Variants in DNAH9 observed in about 807,000 individuals in gnomAD.
DNAH9 encodes the protein DNAH9 variant protein.
Under a neutral mutation model 471.6 loss-of-function variants are expected in DNAH9, and 345 were observed. The observed-to-expected ratio is 0.73, with a 90% CI of 0.67 to 0.80. The LOEUF (loss-of-function observed/expected upper bound fraction) is 0.80, where lower values mean the gene tolerates loss of function less well. Among genes scored for constraint, DNAH9 ranks in the 30% least tolerant of loss-of-function variants. DNAH9 has a pLI of 0.00. For missense variants in DNAH9, 5,407 were observed against 5,609.2 expected (o/e 0.96, Z 1.15); for synonymous variants, 2,093 against 2,123.6 (o/e 0.99, Z 0.40).
At chr17:11,730,442 C>T (rs927608151) in intron 28 of DNAH9, among the ~76,000 whole-genome samples, 4 of 152,140 alleles carry the variant, frequency 2.6e-5, no homozygotes, top group South Asian at 2.1e-4. Flanking sequence ...AAAGAGAGAC[C>T]GGACATCCAG....
In DNAH9 at chr17:11,927,617, C is replaced by A. The variant is rs529901049; in HGVS notation, c.11878-2249C>A. ...TATGGATCTAACATCTTTTAACATC[C>A]CATGGCACACTTTTGGGAAATGCTG... On this transcript the variant is annotated intron_variant, in intron 62 of 68. Coordinates refer to ENST00000262442, the MANE Select transcript of DNAH9 (RefSeq NM_001372.4). Among the ~76,000 whole-genome samples the A allele has an allele frequency of 2.0e-5, 3 of 152,214 alleles. No individual in the cohort carries two copies. The South Asian group carries it at 6.2e-4, about 32-fold the overall frequency.
intron 27 of DNAH9, among the ~76,000 whole-genome samples, chr17:11,720,484 G>A (rs2075037736): frequency 6.6e-6 from 1 of 152,080 alleles, no homozygotes; most frequent in South Asian, 2.1e-4. Flanking sequence ...TATATTGTAT[G>A]TGTTTTTGTA....
chr17:11,711,328 C>T (rs1187689941), intron 26 of DNAH9, among the ~76,000 whole-genome samples: 1 of 152,150 alleles, frequency 6.6e-6, no homozygotes, highest in Non-Finnish European at 1.5e-5. Context: ...AGAAATCCCA[C>T]AGGAATGACA....
At chr17:11,808,242 C>T (rs1969764001) in intron 44 of DNAH9, among the ~76,000 whole-genome samples, 1 of 152,184 alleles carries the variant, frequency 6.6e-6, no homozygotes, top group Non-Finnish European at 1.5e-5. Context: ...CTTGAGTTTC[C>T]TAAGAAATTC....
At chr17:11,889,490 C>CG (rs1567878460) in intron 57 of DNAH9, among the ~76,000 whole-genome samples, 1 of 151,998 alleles carries the variant, frequency 6.6e-6, no homozygotes, top group East Asian at 1.9e-4. Context: ...GGATGCTGCC[C>CG]CCCTAGATTG....
At chr17:11,722,779 T>G (rs1275895945) in intron 27 of DNAH9, among the ~76,000 whole-genome samples, 1 of 152,208 alleles carries the variant, frequency 6.6e-6, no homozygotes, top group African/African-American at 2.4e-5. Flanking sequence ...AACCAGCCAC[T>G]TTCTCTGAAA....
At position 11,600,594 on chromosome 17, in the gene DNAH9, A is replaced by G. The variant is rs77132823; in HGVS notation, c.417+1679A>G. Among the ~76,000 whole-genome samples, 1,289 of 152,354 alleles carry G rather than the reference A, an allele frequency of 8.5e-3. 20 individuals carry two copies. Among genetic ancestry groups the G allele is most frequent in the African/African-American group, 0.029 (1,186 of 41,574 alleles). On this transcript the variant is annotated intron_variant, in intron 1 of 68. Coordinates refer to ENST00000262442, the MANE Select transcript of DNAH9 (RefSeq NM_001372.4). The stretch of plus-strand genomic sequence containing the variant: ...CAACAGGGGACTGGGTGACTGAATT[A>G]TGGGCCATCTATACAGTGAAATACT...
intron 41 of DNAH9, among the ~76,000 whole-genome samples, chr17:11,787,032 C>T (rs979242225): frequency 1.3e-5 from 2 of 152,310 alleles, no homozygotes; most frequent in East Asian, 3.9e-4. Flanking sequence ...ACCACAGTCT[C>T]CTCCTACCTG....
intron 36 of DNAH9, among the ~76,000 whole-genome samples, 171 bp from the exon 37 acceptor site, chr17:11,768,282 G>C (rs141199257): frequency 4.7e-4 from 71 of 152,298 alleles, no homozygotes; most frequent in African/African-American, 1.3e-3. Flanking sequence ...GCTTGGTCAG[G>C]GTTGACCCTT....
chr17:11,757,369 G>T (rs551306016), intron 34 of DNAH9, among the ~76,000 whole-genome samples, 176 bp from the exon 35 acceptor site: 1 of 152,022 alleles, frequency 6.6e-6, no homozygotes, highest in Non-Finnish European at 1.5e-5. Flanking sequence ...TCATCAGTCC[G>T]CTGGAGTTGG....
At chr17:11,629,355 T>A in intron 6 of DNAH9, 62 bp from the exon 7 acceptor site, 1 of 1,465,066 alleles carries the variant, frequency 6.8e-7, no homozygotes, top group Non-Finnish European at 9.5e-7. Flanking sequence ...GGTGTTTGGT[T>A]TTTTGTCCTT....
rs185835456 is a variant in DNAH9 at position 11,932,176 on chromosome 17, C to T, written c.12268C>T (p.Leu4090Phe). The change falls in exon 64 of 69, where the codon CTC becomes TTC. Residue 4090 changes from leucine (L) to phenylalanine (F), a missense_variant. Transcript: ENST00000262442. This position sits in a 1 kb window ranked among gnomAD's most constrained non-coding sequence, Gnocchi z 4.3. Reference sequence around the variant, plus strand: ...AGACCTCACTATCTCTGTGAATGTCCTCTACAACTTCCTGGAGGCCAACGC... The same window carrying T: ...AGACCTCACTATCTCTGTGAATGTCTTCTACAACTTCCTGGAGGCCAACGC... ...TGDLTISVNV[L>F]YNFLEANAKV... 1.9e-6 allele frequency: 3 copies of T among 1,614,096 alleles called. No individual in the cohort carries two copies. Among genetic ancestry groups the T allele is most frequent in the Admixed American group, 3.3e-5 (2 of 60,006 alleles).
intron 7 of DNAH9, among the ~76,000 whole-genome samples, chr17:11,631,633 T>A (rs2073068504): frequency 7.6e-6 from 1 of 130,826 alleles, no homozygotes; most frequent in Non-Finnish European, 1.6e-5. Context: ...AGAGTGAGAC[T>A]CTGTCTCAAA....
At chr17:11,882,973 GA>G in intron 55 of DNAH9, 1 of 985,472 alleles carries the variant, frequency 1.0e-6, no homozygotes, top group Non-Finnish European at 1.2e-6. Context: ...TTCTTCCCAC[GA>G]ATCCAAAGGC....
At chr17:11,941,189 CAT>C (rs2151045329) in intron 66 of DNAH9, among the ~76,000 whole-genome samples, 2 of 152,174 alleles carry the variant, frequency 1.3e-5, no homozygotes, top group Admixed American at 1.3e-4. Context: ...ATGGGGAAGA[CAT>C]AGTTTCACAA....
chr17:11,773,633 C>G (rs1968306081), intron 38 of DNAH9, among the ~76,000 whole-genome samples: 1 of 152,240 alleles, frequency 6.6e-6, no homozygotes, highest in South Asian at 2.1e-4. Context: ...GAAACACAGA[C>G]AGCAGTTGTC....
chr17:11,629,736 AATT>A (rs1359141372), intron 7 of DNAH9, 152 bp downstream of exon 7: 4 of 638,040 alleles, frequency 6.3e-6, no homozygotes, highest in Non-Finnish European at 1.0e-5. Context: ...TGTTAGGAGA[AATT>A]ATTATTCCTT....
chr17:11,620,044 CT>C, intron 6 of DNAH9: 1 of 460,986 alleles, frequency 2.2e-6, no homozygotes, highest in Admixed American at 3.7e-5. Flanking sequence ...AACGCCTTCT[CT>C]ACAAAAAATA....
Position 11,752,837 on chromosome 17 carries a change from G to A in DNAH9, c.6615G>A (p.Leu2205=). 6.3e-7 allele frequency: 1 copy of A among 1,585,792 alleles called. No homozygotes were observed. Among genetic ancestry groups the A allele is most frequent in the Non-Finnish European group, 8.6e-7 (1 of 1,168,898 alleles). The change falls in exon 33 of 69, where the codon TTG becomes TTA. Residue 2205 remains leucine, a synonymous_variant. Coordinates refer to ENST00000262442, the MANE Select transcript of DNAH9 (RefSeq NM_001372.4). ...GGTGTCAGTGGTTCCTTTTAGGATTGTTCTCTTCCATCATGCGGGAGCTTG... is the reference window on the plus strand; with the variant it reads ...GGTGTCAGTGGTTCCTTTTAGGATTATTCTCTTCCATCATGCGGGAGCTTG... ...NPATGEWKDG[L]FSSIMRELAN...
Sources: allele counts gnomAD v4.1 joint callset (sites outside exome capture counted in the v4.1 genomes callset), GRCh38; gene constraint gnomAD v4.1.1; non-coding constraint Gnocchi (gnomAD v3.1); transcripts MANE v1.5; gene names NCBI Gene and HGNC (gene_info 2026-07-23, HGNC 2026-07-21).